RNF128: variants seen among roughly 807,000 people sequenced by gnomAD.
The protein encoded by RNF128 is E3 ubiquitin-protein ligase RNF128.
Under a neutral mutation model 26.2 loss-of-function variants are expected in RNF128, and 13 were observed. The observed-to-expected ratio is 0.50, with a 90% confidence interval of 0.32 to 0.79. RNF128 has a LOEUF of 0.79. Ranked by LOEUF, RNF128 falls within the 30% of genes least tolerant of loss-of-function variation. RNF128 has a pLI of 0.03. For synonymous variants in RNF128, 149 were observed against 142.5 expected (o/e 1.05, Z -0.32); for missense variants, 315 against 349.7 (o/e 0.90, Z 0.79).
intron 1 of RNF128, among the ~76,000 whole-genome samples, chrX:106,737,496 C>A (rs1459758357): frequency 9.0e-6 from 1 of 111,398 alleles, no homozygotes; most frequent in African/African-American, 3.3e-5. Flanking sequence ...CTTATAATAC[C>A]TAATACAATG....
upstream of RNF128, among the ~76,000 whole-genome samples, chrX:106,726,264 C>G (rs1402853900): frequency 9.0e-6 from 1 of 110,541 alleles, no homozygotes; most frequent in African/African-American, 3.3e-5. Context: ...CCTGCCCTTC[C>G]CCCCTCTAGA....
At chrX:106,742,445 C>A (rs1206016459) in intron 1 of RNF128, among the ~76,000 whole-genome samples, 1 of 111,210 alleles carries the variant, frequency 9.0e-6, no homozygotes, top group Non-Finnish European at 1.9e-5. Flanking sequence ...TCCCAAGCCC[C>A]ACCCCAGACA....
rs114132128 is a variant in RNF128, at chrX:106,699,269, C to T, written c.406+4861C>T. Among the ~76,000 whole-genome samples, 528 of 112,304 alleles carry T rather than the reference C, an allele frequency of 4.7e-3. 4 individuals are homozygous for T. The highest frequency in any genetic ancestry group is 0.016 in the African/African-American group (505 of 30,943). On this transcript the variant is annotated intron_variant, in intron 1 of 6. Transcript: ENST00000324342. ...GAGCCTAGGCCTACAAGGTTTGATG[C>T]TAATCATGTACAATCAGACCTTATC... is the stretch of plus-strand genomic sequence containing the variant.
chrX:106,782,205 CT>C (rs1161252052), intron 2 of RNF128, among the ~76,000 whole-genome samples: 1 of 112,473 alleles, frequency 8.9e-6, no homozygotes, highest in African/African-American at 3.2e-5. Context: ...AGCTTGTTGC[CT>C]AAACCTAAAT....
At chrX:106,744,201 T>A (rs977605937) in intron 1 of RNF128, among the ~76,000 whole-genome samples, 2 of 111,525 alleles carry the variant, frequency 1.8e-5, no homozygotes, top group African/African-American at 6.5e-5. Context: ...TATACATATG[T>A]AACAAACCTG....
intron 5 of RNF128, among the ~76,000 whole-genome samples, 188 bp from the exon 6 acceptor site, chrX:106,790,878 T>C (rs1027306082): frequency 9.0e-6 from 1 of 110,529 alleles, no homozygotes; most frequent in Non-Finnish European, 1.9e-5. Context: ...TTTCATCCCA[T>C]TGGTGGACCC....
At chrX:106,758,057 CTA>C (rs1301002361) in intron 1 of RNF128, among the ~76,000 whole-genome samples, 2 of 112,439 alleles carry the variant, frequency 1.8e-5, no homozygotes, top group Non-Finnish European at 3.8e-5. Context: ...CCACAACAAA[CTA>C]TTAGAACTGA....
chrX:106,728,641 A>G (rs1425148313), intron 1 of RNF128, among the ~76,000 whole-genome samples: 1 of 111,640 alleles, frequency 9.0e-6, no homozygotes, highest in Non-Finnish European at 1.9e-5. Flanking sequence ...GAGCACTTGT[A>G]TTGAGTGGCT....
In RNF128 at chrX:106,773,170, G is replaced by T; in HGVS notation, c.732+10G>T. On this transcript the variant is annotated intron_variant, in intron 2 of 6. Coordinates refer to ENST00000255499, the MANE Select transcript of RNF128 (RefSeq NM_194463.2). ...TCAAAGCAGGAAGCAGGTTTGTAAT[G>T]GTCCTTTCTTCCACTATTAAAAAAA... 8.4e-7 allele frequency: 1 copy of T among 1,192,609 alleles called. No homozygotes were observed. Among genetic ancestry groups the T allele is most frequent in the Admixed American group, 2.4e-5 (1 of 42,054 alleles).
At chrX:106,722,517 A>G (rs1929331000), upstream of RNF128, among the ~76,000 whole-genome samples, 1 of 111,784 alleles carries the variant, frequency 8.9e-6, no homozygotes, top group African/African-American at 3.3e-5. Flanking sequence ...ACTCACAGTG[A>G]AATAGAGGAA....
At chrX:106,788,492 T>G (rs1271630228) in intron 4 of RNF128, among the ~76,000 whole-genome samples, 1 of 54,934 alleles carries the variant, frequency 1.8e-5, no homozygotes, top group Non-Finnish European at 3.0e-5. Flanking sequence ...TATATTATAA[T>G]TATAATTATA....
intron 1 of RNF128, among the ~76,000 whole-genome samples, chrX:106,759,116 G>A (rs951609015): frequency 1.8e-5 from 2 of 111,827 alleles, no homozygotes; most frequent in South Asian, 7.5e-4. Flanking sequence ...GATTAAAAAT[G>A]GACAAAAGAT....
chrX:106,718,909 T>C (rs1468671640), intron 1 of RNF128, among the ~76,000 whole-genome samples: 1 of 111,726 alleles, frequency 9.0e-6, no homozygotes, highest in Non-Finnish European at 1.9e-5. Flanking sequence ...GATACTTGTT[T>C]ACTCCGAGTT....
At chrX:106,708,782 T>C (rs1416409153) in intron 1 of RNF128, among the ~76,000 whole-genome samples, 2 of 112,001 alleles carry the variant, frequency 1.8e-5, no homozygotes, top group African/African-American at 6.5e-5. Flanking sequence ...GAGGAAGGCC[T>C]ACCTGACAGA....
At chrX:106,771,136 C>A (rs984518484) in intron 1 of RNF128, among the ~76,000 whole-genome samples, 1 of 112,198 alleles carries the variant, frequency 8.9e-6, no homozygotes, top group Non-Finnish European at 1.9e-5. Flanking sequence ...CAGAGGGGCA[C>A]CCCACTGTAT....
chrX:106,792,473 A>T (rs1930845671), intron 6 of RNF128, among the ~76,000 whole-genome samples: 3 of 110,915 alleles, frequency 2.7e-5, no homozygotes, highest in Admixed American at 9.7e-5. Context: ...AATTTGGATG[A>T]TAGTAATACT....
At chrX:106,749,743 C>A (rs1174211224) in intron 1 of RNF128, among the ~76,000 whole-genome samples, 1 of 109,399 alleles carries the variant, frequency 9.1e-6, no homozygotes, top group Non-Finnish European at 1.9e-5. Flanking sequence ...CCTGTTTCTA[C>A]AAAATAAAAA....
In RNF128 at chrX:106,791,143, A is replaced by C; in HGVS notation, c.1062A>C (p.Glu354Asp). The C allele has an allele frequency of 1.7e-6, 2 of 1,207,855 alleles. No individual in the cohort carries two copies. Among genetic ancestry groups the C allele is most frequent in the Non-Finnish European group, 2.2e-6 (2 of 892,387 alleles). ...NEISNSASSH[E>D]EDNRSETASS... ...TATCTAATAGTGCCTCCTCCCATGA[A>C]GAGGATAATCGCAGCGAGACCGCAT... The change falls in exon 6 of 7, where the codon GAA becomes GAC. Residue 354 changes from glutamate to aspartate, a missense_variant. Transcript: ENST00000255499.
intron 1 of RNF128, among the ~76,000 whole-genome samples, chrX:106,709,179 G>T (rs1268909517): frequency 9.0e-6 from 1 of 111,421 alleles, no homozygotes; most frequent in East Asian, 2.8e-4. Context: ...ATGAAAGTAG[G>T]CTTCTATTTC....
Sources: allele counts gnomAD v4.1 joint callset (sites outside exome capture counted in the v4.1 genomes callset), GRCh38; gene constraint gnomAD v4.1.1; transcripts MANE v1.5; gene names NCBI Gene and HGNC (gene_info 2026-07-23, HGNC 2026-07-21).